NRXN3: variants seen among roughly 807,000 people sequenced by gnomAD.
NRXN3 encodes neurexin 3.
A neutral mutation model predicts 137.6 loss-of-function variants in NRXN3; 32 were observed. The ratio of observed to expected loss-of-function variants is 0.23; its 90% confidence interval spans 0.18 to 0.31. The LOEUF (loss-of-function observed/expected upper bound fraction) is 0.31. NRXN3 is among the 10% of genes least tolerant of loss of function. The pLI, the probability that NRXN3 is intolerant of heterozygous loss-of-function variation, is 1.00. For synonymous variants in NRXN3, 798 were observed against 784.5 expected (o/e 1.02, Z -0.29); for missense variants, 1,574 against 2,062.5 (o/e 0.76, Z 4.59).
intron 16 of NRXN3, among the ~76,000 whole-genome samples, chr14:79,638,778 A>G (rs1018138594): frequency 3.3e-5 from 5 of 152,252 alleles, no homozygotes; most frequent in Admixed American, 2.6e-4. Flanking sequence ...GACTTTGAGC[A>G]CTGAACAGCA....
chr14:78,550,541 CA>C (rs993501959), intron 4 of NRXN3, among the ~76,000 whole-genome samples: 4 of 19,468 alleles, frequency 2.1e-4, no homozygotes, highest in Admixed American at 8.1e-4. Flanking sequence ...ATAGTAAAAA[CA>C]AAAAAAAAAT....
chr14:79,025,027 G>A (rs2099595787), intron 15 of NRXN3, among the ~76,000 whole-genome samples: 1 of 152,062 alleles, frequency 6.6e-6, no homozygotes, highest in African/African-American at 2.4e-5. Flanking sequence ...TGCCTGTAAA[G>A]CCAGTTCTTC....
At chr14:78,865,275 T>A (rs1274434897) in intron 10 of NRXN3, among the ~76,000 whole-genome samples, 1 of 152,222 alleles carries the variant, frequency 6.6e-6, no homozygotes, top group Non-Finnish European at 1.5e-5. Context: ...TTGAAATATA[T>A]TGTATTAACA....
chr14:79,476,446 C>T (rs1252108643), intron 16 of NRXN3, among the ~76,000 whole-genome samples: 2 of 152,090 alleles, frequency 1.3e-5, no homozygotes, highest in African/African-American at 2.4e-5. Context: ...TAACCTTCAT[C>T]CTGAAATCAA....
At chr14:78,966,475 CA>C (rs1382096832) in intron 12 of NRXN3, 69 bp downstream of exon 12, 1 of 1,497,056 alleles carries the variant, frequency 6.7e-7, no homozygotes, top group South Asian at 1.3e-5. Context: ...AAAATATGGA[CA>C]TAAAAATAAC....
chr14:78,644,865 A>G (rs544275894), intron 4 of NRXN3, among the ~76,000 whole-genome samples: 37 of 152,340 alleles, frequency 2.4e-4, no homozygotes, highest in African/African-American at 8.4e-4. Flanking sequence ...TTCGAAGGAA[A>G]GGCAGCAATC....
chr14:79,161,983 T>C (rs2153066141), intron 15 of NRXN3, among the ~76,000 whole-genome samples: 1 of 152,024 alleles, frequency 6.6e-6, no homozygotes, highest in East Asian at 2.0e-4. Context: ...AAGCTGCGGG[T>C]TCAGGTATAA....
intron 20 of NRXN3, among the ~76,000 whole-genome samples, chr14:79,846,230 T>A (rs1346435335): frequency 2.0e-5 from 3 of 152,212 alleles, no homozygotes; most frequent in Non-Finnish European, 4.4e-5. Flanking sequence ...TAAAAATGTA[T>A]CTGTGAAGCA....
intron 16 of NRXN3, among the ~76,000 whole-genome samples, chr14:79,546,167 C>T (rs1418499252): frequency 1.3e-5 from 2 of 152,088 alleles, no homozygotes; most frequent in Non-Finnish European, 2.9e-5. Context: ...TTGTAAATTG[C>T]CCAGTCTTGG....
At chr14:78,952,780 C>G (rs1238267287) in intron 10 of NRXN3, among the ~76,000 whole-genome samples, 1 of 152,126 alleles carries the variant, frequency 6.6e-6, no homozygotes, top group East Asian at 1.9e-4. Context: ...GTTACTGTTT[C>G]ATTTACCTCT....
At chr14:79,478,505 G>A (rs1299276501) in intron 16 of NRXN3, among the ~76,000 whole-genome samples, 1 of 152,028 alleles carries the variant, frequency 6.6e-6, no homozygotes, top group Non-Finnish European at 1.5e-5. Flanking sequence ...TCTGTCACGG[G>A]CATCATTAAC....
intron 15 of NRXN3, among the ~76,000 whole-genome samples, chr14:79,436,741 A>G (rs2095851607): frequency 6.6e-6 from 1 of 152,218 alleles, no homozygotes; most frequent in African/African-American, 2.4e-5. Flanking sequence ...CTTTTTCGCA[A>G]CAGTGAGGAC....
intron 15 of NRXN3, among the ~76,000 whole-genome samples, chr14:79,379,827 A>T (rs2094413194): frequency 6.6e-6 from 1 of 152,004 alleles, no homozygotes; most frequent in Admixed American, 6.6e-5. Flanking sequence ...ATTTCTGCCA[A>T]TAAAAGCCTT....
At chr14:79,511,256 C>A (rs1259027174) in intron 16 of NRXN3, among the ~76,000 whole-genome samples, 1 of 152,308 alleles carries the variant, frequency 6.6e-6, no homozygotes, top group East Asian at 1.9e-4. Context: ...TTTAGCTCCC[C>A]AGCACGTCTC....
chr14:79,196,104 T>A (rs1227616353), intron 15 of NRXN3, among the ~76,000 whole-genome samples: 1 of 152,150 alleles, frequency 6.6e-6, no homozygotes, highest in Non-Finnish European at 1.5e-5. Context: ...TGAGATTAAA[T>A]GAGGCAAAAG....
intron 10 of NRXN3, among the ~76,000 whole-genome samples, chr14:78,863,733 A>T (rs2099079191): frequency 6.6e-6 from 1 of 152,132 alleles, no homozygotes; most frequent in Non-Finnish European, 1.5e-5. Context: ...AGGAGCCTTT[A>T]ATTCATTTAA....
At chr14:79,244,659 GACA>G (rs1234924224) in intron 15 of NRXN3, among the ~76,000 whole-genome samples, 1 of 152,114 alleles carries the variant, frequency 6.6e-6, no homozygotes, top group Non-Finnish European at 1.5e-5. Context: ...TTCCTTTGCA[GACA>G]ACAAGATGTG....
intron 15 of NRXN3, among the ~76,000 whole-genome samples, chr14:79,399,938 G>T (rs193089981): frequency 5.3e-5 from 8 of 152,100 alleles, no homozygotes; most frequent in African/African-American, 1.9e-4. Flanking sequence ...TTTTAGCAGC[G>T]TCACTCCAGT....
At chr14:79,399,020 A>C (rs1165099464) in intron 15 of NRXN3, among the ~76,000 whole-genome samples, 1 of 150,982 alleles carries the variant, frequency 6.6e-6, no homozygotes, top group Non-Finnish European at 1.5e-5. Flanking sequence ...AAAAAAAAAA[A>C]AAAAAAAGAA....
Sources: gnomAD v4.1 joint callset for allele counts (sites outside exome capture counted in the v4.1 genomes callset) on GRCh38, gnomAD v4.1.1 for gene constraint, MANE v1.5 for transcripts, NCBI Gene and HGNC (gene_info 2026-07-23, HGNC 2026-07-21) for gene names.